PREPL: variants seen among roughly 807,000 people sequenced by gnomAD.
PREPL encodes the protein prolyl endopeptidase-like.
PREPL carries 77 observed loss-of-function variants against 70.6 expected under a neutral mutation model. The observed-to-expected ratio is 1.09, with a 90% CI of 0.91 to 1.32. PREPL has a LOEUF of 1.32. Among genes scored for constraint, PREPL ranks in the 40% most tolerant of loss-of-function variants. The pLI is 0.00. For synonymous variants in PREPL, 315 were observed against 264.8 expected, an observed-to-expected ratio of 1.19 and a Z score of -1.84; for missense variants, 1,002 against 778.2, an observed-to-expected ratio of 1.29 and a Z score of -3.42.
chr2:44,327,084 A>G (rs1673582068), intron 9 of PREPL, among the ~76,000 whole-genome samples, 156 bp from the exon 10 acceptor site: 1 of 152,246 alleles, frequency 6.6e-6, no homozygotes, highest in Non-Finnish European at 1.5e-5. Flanking sequence ...AGGAATGTGC[A>G]ACAGAAACTG....
intron 1 of PREPL, among the ~76,000 whole-genome samples, chr2:44,349,416 G>C (rs1396481089): frequency 1.3e-5 from 2 of 151,988 alleles, no homozygotes; most frequent in Non-Finnish European, 2.9e-5. Flanking sequence ...TGGACAACTG[G>C]AGCCTCAAAA....
At chr2:44,337,181 G>T (rs949186398) in intron 7 of PREPL, among the ~76,000 whole-genome samples, 2 of 152,146 alleles carry the variant, frequency 1.3e-5, no homozygotes, top group Non-Finnish European at 2.9e-5. Flanking sequence ...AGAGCATACA[G>T]CTTCATTTGA....
intron 8 of PREPL, among the ~76,000 whole-genome samples, chr2:44,332,178 C>T (rs1319996478): frequency 1.3e-5 from 2 of 152,066 alleles, no homozygotes; most frequent in African/African-American, 4.8e-5. Context: ...GATCTCCTGA[C>T]CTCGTGATCC....
chr2:44,329,941 TAAA>T (rs1673921335), intron 8 of PREPL, among the ~76,000 whole-genome samples: 1 of 152,082 alleles, frequency 6.6e-6, no homozygotes, highest in South Asian at 2.1e-4. Context: ...ATAAAGAAAA[TAAA>T]TAATACATCC....
At chr2:44,353,280 C>T (rs998824980) in intron 1 of PREPL, among the ~76,000 whole-genome samples, 1 of 151,228 alleles carries the variant, frequency 6.6e-6, no homozygotes, top group South Asian at 2.1e-4. Context: ...ACACACGCTT[C>T]CTGATTTTAA....
rs1426693641 is a variant in PREPL, at chr2:44,332,671, C to T, written c.889-15G>A. ...CAAGGAGGGAGCTAAAGAAATACAA[C>T]AGCTATTTTTATTCTTTATTTAGGC... is the stretch of plus-strand genomic sequence containing the variant. On this transcript the variant is annotated splice_polypyrimidine_tract_variant and intron_variant, in intron 7 of 13. Coordinates refer to ENST00000409411, the MANE Select transcript of PREPL (RefSeq NM_001171613.2). 1.9e-6 allele frequency: 3 copies of T among 1,578,150 alleles called. No individual in the cohort carries two copies. The highest frequency in any genetic ancestry group is 2.7e-5 in the African/African-American group (2 of 73,240).
chr2:44,317,931 A>C lies in PREPL; in HGVS notation c.*3425T>G. 1 of 249,896 alleles carries C rather than the reference A, an allele frequency of 4.0e-6. No homozygotes were observed. Among genetic ancestry groups the C allele is most frequent in the Non-Finnish European group, 8.1e-6 (1 of 123,586 alleles). The allele number at this position is 249,896 out of a possible 1,614,324, so 15.5% of individuals were successfully genotyped here. A position where few individuals can be genotyped will look rare whatever the true frequency, so the allele number is the denominator to read the frequency against. ...CATAAGAAACACTAACATAAAACACAAAGAATTAAAATGAAGATATAGCAA... is the reference window on the plus strand; with the variant it reads ...CATAAGAAACACTAACATAAAACACCAAGAATTAAAATGAAGATATAGCAA... On this transcript the variant is annotated 3_prime_UTR_variant, in exon 14 of 14. Transcript: ENST00000409411.
rs965928616 is a variant in PREPL, at chr2:44,318,711, C to G, written c.*2645G>C. On this transcript the variant is annotated 3_prime_UTR_variant, in exon 14 of 14. Coordinates refer to ENST00000409411, the MANE Select transcript of PREPL (RefSeq NM_001171613.2). Reference sequence around the variant, plus strand: ...AGCTATGGAAAGGTGTTGAAGAAAACCTTTTTATAGTATGTATTCTTGTAA... The same window carrying G: ...AGCTATGGAAAGGTGTTGAAGAAAAGCTTTTTATAGTATGTATTCTTGTAA... The G allele has an allele frequency of 1.3e-5, 2 of 151,828 alleles. No homozygotes were observed. The highest frequency in any genetic ancestry group is 2.9e-5 in the Non-Finnish European group (2 of 67,972). The allele number at this position is 151,828 out of a possible 1,614,324, so 9.4% of individuals were successfully genotyped here.
At chr2:44,339,121 T>A in intron 6 of PREPL, 26 bp downstream of exon 6, 1 of 1,611,678 alleles carries the variant, frequency 6.2e-7, no homozygotes, top group East Asian at 2.2e-5. Flanking sequence ...ACAGCCCAAA[T>A]AGGAACAACG....
chr2:44,352,381 C>G (rs1676539288), intron 1 of PREPL, among the ~76,000 whole-genome samples: 1 of 152,054 alleles, frequency 6.6e-6, no homozygotes, highest in African/African-American at 2.4e-5. Flanking sequence ...GATCCTTGAT[C>G]TCAGCTCTCA....
intron 13 of PREPL, 24 bp from the exon 14 acceptor site, chr2:44,321,469 TTAAA>T: frequency 6.2e-7 from 1 of 1,604,314 alleles, no homozygotes; most frequent in Non-Finnish European, 8.5e-7. Flanking sequence ...ATTAAAAAAA[TTAAA>T]TAGAAGGCCT....
upstream of PREPL, chr2:44,361,776 C>T (rs899093254): frequency 9.1e-6 from 6 of 656,130 alleles, no homozygotes; most frequent in Middle Eastern, 4.6e-4. Context: ...CTCTGGTCCG[C>T]CCTCACTCAA....
intron 7 of PREPL, among the ~76,000 whole-genome samples, chr2:44,335,585 C>G (rs1674553273): frequency 6.6e-6 from 1 of 152,022 alleles, no homozygotes; most frequent in African/African-American, 2.4e-5. Flanking sequence ...AATGTAAAAC[C>G]TAAGACTATA....
At chr2:44,322,961 T>C in intron 11 of PREPL, 107 bp from the exon 12 acceptor site, 1 of 1,431,734 alleles carries the variant, frequency 7.0e-7, no homozygotes, top group Non-Finnish European at 9.4e-7. Context: ...GTAAGTGCTC[T>C]ATGCTTTTTC....
chr2:44,329,102 A>G lies in PREPL; in HGVS notation c.1097T>C (p.Leu366Ser). ...RLEAKSKDGKLVPMTVFHKTD... is the reference protein window; with the variant it reads ...RLEAKSKDGKSVPMTVFHKTD... Reference sequence around the variant, plus strand: ...TTTGTGGAAAACAGTCATTGGCACTAATTTTCCATCCTAGAAATGAAGAAT... The same window carrying G: ...TTTGTGGAAAACAGTCATTGGCACTGATTTTCCATCCTAGAAATGAAGAAT... Residue 366 changes from leucine to serine, a missense_variant, in exon 9 of 14, where the codon TTA becomes TCA. By Grantham distance (145) the Leu-to-Ser change is moderately radical. Transcript: ENST00000409411. 1 of 1,596,790 alleles carries G rather than the reference A, an allele frequency of 6.3e-7. No individual in the cohort carries two copies.
intron 8 of PREPL, among the ~76,000 whole-genome samples, chr2:44,330,837 T>A (rs996202798): frequency 5.9e-5 from 9 of 152,212 alleles, no homozygotes; most frequent in African/African-American, 2.2e-4. Context: ...TGAGTATACC[T>A]GGAATATGGA....
chr2:44,347,906 A>G (rs749389637), intron 1 of PREPL, among the ~76,000 whole-genome samples: 20 of 152,256 alleles, frequency 1.3e-4, no homozygotes, highest in African/African-American at 7.2e-5. Flanking sequence ...AAAAATCACC[A>G]AAACAAATTA....
chr2:44,329,432 G>A (rs543764818), intron 8 of PREPL, among the ~76,000 whole-genome samples: 2 of 152,114 alleles, frequency 1.3e-5, no homozygotes, highest in African/African-American at 4.8e-5. Context: ...TAAATTTTCA[G>A]ATGAAACCAA....
At position 44,318,767 on chromosome 2, in the gene PREPL, G is replaced by C. The variant is rs1206945440; in HGVS notation, c.*2589C>G. 1 of 152,122 alleles carries C rather than the reference G, an allele frequency of 6.6e-6. No homozygotes were observed. The highest frequency in any genetic ancestry group is 1.5e-5 in the Non-Finnish European group (1 of 68,014). 9.4% of individuals were successfully genotyped at this position (152,122 alleles called of 1,614,324 possible). ...TAAAAAATAAAATTACAAAAATCAG[G>C]CTTGGAAGTATTTAATAGCAGACAA... is the stretch of plus-strand genomic sequence containing the variant. On this transcript the variant is annotated 3_prime_UTR_variant, in exon 14 of 14. Coordinates refer to ENST00000409411, the MANE Select transcript of PREPL (RefSeq NM_001171613.2).
Sources: allele counts gnomAD v4.1 joint callset (sites outside exome capture counted in the v4.1 genomes callset), GRCh38; gene constraint gnomAD v4.1.1; transcripts MANE v1.5; gene names NCBI Gene and HGNC (gene_info 2026-07-23, HGNC 2026-07-21).